The following IDUA variants were observed in gnomAD, a reference collection of about 807,000 sequenced individuals.
IDUA encodes iduronidase alpha-L-.
IDUA carries 65 observed loss-of-function variants against 68.9 expected under a neutral mutation model. The ratio of observed to expected loss-of-function variants is 0.94; its 90% confidence interval spans 0.77 to 1.16. The LOEUF is 1.16. IDUA is among the 50% of genes most tolerant of loss of function. The probability of loss-of-function intolerance (pLI) is 0.00; values close to 1 mark genes in which losing one functional copy is unlikely to be tolerated. For missense variants in IDUA, 1,046 were observed against 938.0 expected (o/e 1.12, Z -1.50); for synonymous variants, 529 against 433.6 (o/e 1.22, Z -2.73).
intron 2 of IDUA, chr4:989,884 G>C (rs2153016960): frequency 1.3e-6 from 2 of 1,569,816 alleles, no homozygotes; most frequent in Non-Finnish European, 1.7e-6. Flanking sequence ...GAAGGCGGCA[G>C]CCACGAGGGC....
intron 2 of IDUA, chr4:988,655 C>T (rs563215875): frequency 3.4e-5 from 48 of 1,406,976 alleles, no homozygotes; most frequent in Non-Finnish European, 4.1e-5. Context: ...TTGGGTCCTG[C>T]GTGTGATCAG....
At chr4:989,599 A>G (rs1714073924) in intron 2 of IDUA, 2 of 1,601,660 alleles carry the variant, frequency 1.2e-6, no homozygotes, top group Non-Finnish European at 1.7e-6. Flanking sequence ...CAGGCTGACC[A>G]CGATGACGCA....
In IDUA at chr4:1,002,959, C is replaced by T; in HGVS notation, c.1402+15C>T. The stretch of plus-strand genomic sequence containing the variant: ...CCCCGGCCCGGGTAAGCCGGGGTTC[C>T]AGGGAGGTCTCTGGCCCCGCTGGGG... On this transcript the variant is annotated intron_variant, in intron 9 of 13. Coordinates refer to ENST00000514224, the MANE Select transcript of IDUA (RefSeq NM_000203.5). The T allele has an allele frequency of 7.3e-7, 1 of 1,369,540 alleles. No individual in the cohort carries two copies. Among genetic ancestry groups the T allele is most frequent in the Non-Finnish European group, 9.4e-7 (1 of 1,067,608 alleles). The allele number at this position is 1,369,540 out of a possible 1,614,324, so 84.8% of individuals were successfully genotyped here.
In IDUA at chr4:987,144, G is replaced by A. The variant is rs10902762; in HGVS notation, c.60G>A (p.Ala20=). 601,388 of 1,407,440 alleles carry A rather than the reference G, an allele frequency of 0.43. 130,017 individuals are homozygous for A. Among genetic ancestry groups the A allele is most frequent in the Admixed American group, 0.53 (17,787 of 33,780 alleles). 87.2% of individuals were successfully genotyped at this position (1,407,440 alleles called of 1,614,324 possible). ...CGCTCCTGGCCTCGCTCCTGGCCGC[G>A]CCCCCGGTGGCCCCGGCCGAGGCCC... is the stretch of plus-strand genomic sequence containing the variant. ...LLALLASLLA[A]PPVAPAEAPH... is the part of the protein sequence containing the mutation. The change falls in exon 1 of 14, where the codon GCG becomes GCA. Residue 20 remains alanine, a synonymous_variant. Coordinates refer to ENST00000514224, the MANE Select transcript of IDUA (RefSeq NM_000203.5).
At position 1,002,150 on chromosome 4, in the gene IDUA, A is replaced by G. The variant is rs756173284; in HGVS notation, c.961A>G (p.Met321Val). 1.3e-6 allele frequency: 2 copies of G among 1,558,232 alleles called. No individual in the cohort carries two copies. Among genetic ancestry groups the G allele is most frequent in the Non-Finnish European group, 1.7e-6 (2 of 1,151,400 alleles). Residue 321 changes from methionine (M) to valine (V), a missense_variant, in exon 7 of 14, where the codon ATG becomes GTG. Coordinates refer to ENST00000514224, the MANE Select transcript of IDUA (RefSeq NM_000203.5). ...GAGGGCGGACGTGACCTACGCGGCC[A>G]TGGTGGTGAAGGTGGGCCGGCCCAA... ...PWRADVTYAA[M>V]VVKVIAQHQN...
At chr4:999,233 G>A (rs550223834) in intron 2 of IDUA, among the ~76,000 whole-genome samples, 3 of 151,532 alleles carry the variant, frequency 2.0e-5, no homozygotes, top group Admixed American at 2.0e-4. Context: ...AAAGAAAAAT[G>A]CCCTGGCACT....
Position 1,004,115 on chromosome 4 carries a change from G to A in IDUA, c.1828+3G>A. 1.2e-6 allele frequency: 2 copies of A among 1,612,840 alleles called. No homozygotes were observed. Among genetic ancestry groups the A allele is most frequent in the Non-Finnish European group, 1.7e-6 (2 of 1,179,760 alleles). ...CAACCTCTTTGTGTTCAGCCCAGGT[G>A]CGCCCACCACCCGCTGCCCTGGACT... On this transcript the variant is annotated splice_donor_region_variant and intron_variant, in intron 13 of 13. Coordinates refer to ENST00000514224, the MANE Select transcript of IDUA (RefSeq NM_000203.5). This position sits in a 1 kb window ranked among gnomAD's most constrained non-coding sequence, Gnocchi z 5.0.
At chr4:1,000,726 C>G in intron 3 of IDUA, 29 bp downstream of exon 3, 1 of 1,560,322 alleles carries the variant, frequency 6.4e-7, no homozygotes, top group Non-Finnish European at 8.8e-7. Context: ...CCTCCCAGCC[C>G]GCCTGCACCC....
intron 2 of IDUA, among the ~76,000 whole-genome samples, chr4:996,363 G>A (rs1577530894): frequency 6.6e-6 from 1 of 152,224 alleles, no homozygotes; most frequent in South Asian, 2.1e-4. Context: ...TCTCCCTAAA[G>A]GAGGCAGGGA....
rs760440572 is a variant in IDUA, at chr4:1,004,111, A to T, written c.1827A>T (p.Pro609=). The T allele has an allele frequency of 5.6e-6, 9 of 1,612,842 alleles. No homozygotes were observed. The highest frequency in any genetic ancestry group is 6.8e-6 in the Non-Finnish European group (8 of 1,179,836). Reference sequence around the variant, plus strand: ...CCTTCAACCTCTTTGTGTTCAGCCCAGGTGCGCCCACCACCCGCTGCCCTG... The same window carrying T: ...CCTTCAACCTCTTTGTGTTCAGCCCTGGTGCGCCCACCACCCGCTGCCCTG... ...PSTFNLFVFS[P]DTGAVSGSYR... Residue 609 remains proline, a splice_region_variant and synonymous_variant, in exon 13 of 14, where the codon CCA becomes CCT. Coordinates refer to ENST00000514224, the MANE Select transcript of IDUA (RefSeq NM_000203.5). This position sits in a 1 kb window ranked among gnomAD's most constrained non-coding sequence, Gnocchi z 5.0.
In IDUA at chr4:1,001,785, G is replaced by C. The variant is rs1715094235; in HGVS notation, c.696G>C (p.Pro232=). The change falls in exon 6 of 14, where the codon CCG becomes CCC. Residue 232 remains proline, a synonymous_variant. Coordinates refer to ENST00000514224, the MANE Select transcript of IDUA (RefSeq NM_000203.5). ...GDSFHTPPRS[P]LSWGLLRHCH... ...CCTTCCACACCCCACCGCGATCCCC[G>C]CTGAGCTGGGGCCTCCTGCGCCACT... 4 of 1,602,980 alleles carry C rather than the reference G, an allele frequency of 2.5e-6. No homozygotes were observed. The East Asian group carries it at 6.7e-5, about 27-fold the overall frequency.
chr4:992,122 G>A (rs1714404309), intron 2 of IDUA: 2 of 491,244 alleles, frequency 4.1e-6, no homozygotes, highest in South Asian at 3.1e-5. Context: ...GGAACAGGCT[G>A]GGCTGCCACC....
intron 2 of IDUA, chr4:989,482 G>C: frequency 6.4e-7 from 1 of 1,554,518 alleles, no homozygotes; most frequent in African/African-American, 1.4e-5. Context: ...CCCGGCCTCT[G>C]TGCTGACCAG....
chr4:993,768 G>A (rs1714551411), intron 2 of IDUA, among the ~76,000 whole-genome samples: 1 of 152,248 alleles, frequency 6.6e-6, no homozygotes, highest in South Asian at 2.1e-4. Context: ...TCCGTGTCCA[G>A]TCGCCGGACA....
chr4:987,582 G>C lies in IDUA; in HGVS notation c.159-227G>C, dbSNP rs1466634620. 19 of 1,387,310 alleles carry C rather than the reference G, an allele frequency of 1.4e-5. No homozygotes were observed. The East Asian group carries it at 4.8e-4, about 35-fold the overall frequency. The allele number at this position is 1,387,310 out of a possible 1,614,324, so 85.9% of individuals were successfully genotyped here. On this transcript the variant is annotated intron_variant, in intron 1 of 13. Transcript: ENST00000514224. ...CTGAGGTACCCGCCTTCCTGGCAGG[G>C]CCAGGGCCAGGGCTGGCGTTGGCCC... is the stretch of plus-strand genomic sequence containing the variant.
Position 1,001,682 on chromosome 4 carries a change from T to C in IDUA, c.593T>C (p.Phe198Ser). The C allele has an allele frequency of 6.2e-7, 1 of 1,601,718 alleles. No individual in the cohort carries two copies. Among genetic ancestry groups the C allele is most frequent in the South Asian group, 1.1e-5 (1 of 90,904 alleles). ...ACGCAGTGCTCCCCCGGCCCAGGCTTCCTGAACTACTACGATGCCTGCTCG... is the reference window on the plus strand; with the variant it reads ...ACGCAGTGCTCCCCCGGCCCAGGCTCCCTGAACTACTACGATGCCTGCTCG... ...FDNVSMTMQG[F>S]LNYYDACSEG... The change falls in exon 6 of 14, where the codon TTC becomes TCC. Residue 198 changes from phenylalanine (F) to serine (S), a missense_variant. Phe to Ser is a radical substitution (Grantham distance 155). Transcript: ENST00000514224.
At chr4:991,180 C>T (rs1483392336) in intron 2 of IDUA, 1 of 1,583,226 alleles carries the variant, frequency 6.3e-7, no homozygotes, top group Non-Finnish European at 8.6e-7. Context: ...GATGGCGTAG[C>T]AGTCACGCCC....
rs1347743645 is a variant in IDUA, at chr4:989,882, C to T, written c.299+1933C>T. ...TCCGCCAGCGAGATGGAGAAGGCGG[C>T]AGCCACGAGGGCCAGGGCCACGGCA... On this transcript the variant is annotated intron_variant, in intron 2 of 13. Coordinates refer to ENST00000514224, the MANE Select transcript of IDUA (RefSeq NM_000203.5). The T allele has an allele frequency of 5.1e-6, 8 of 1,571,532 alleles. No individual in the cohort carries two copies. The highest frequency in any genetic ancestry group is 6.9e-6 in the Non-Finnish European group (8 of 1,159,390).
At chr4:991,152 G>A in intron 2 of IDUA, 1 of 1,552,928 alleles carries the variant, frequency 6.4e-7, no homozygotes, top group Non-Finnish European at 8.7e-7. Context: ...TCATCAGCGT[G>A]AGGGCGGTGG....
Sources: gnomAD v4.1 joint callset for allele counts (sites outside exome capture counted in the v4.1 genomes callset) on GRCh38, gnomAD v4.1.1 for gene constraint, Gnocchi (gnomAD v3.1) non-coding constraint, MANE v1.5 for transcripts, NCBI Gene and HGNC (gene_info 2026-07-23, HGNC 2026-07-21) for gene names.